Variants in EIPR1 observed in about 807,000 individuals in gnomAD.
EIPR1 encodes the protein EARP complex and GARP complex interacting protein 1, also known as EARP and GARP complex-interacting protein 1.
EIPR1 carries 25 observed loss-of-function variants against 48.1 expected under a neutral mutation model. The ratio of observed to expected loss-of-function variants is 0.52; its 90% confidence interval spans 0.38 to 0.73. The LOEUF (loss-of-function observed/expected upper bound fraction) is 0.73. Among genes scored for constraint, EIPR1 ranks in the 30% least tolerant of loss-of-function variants. The pLI is 0.00. For missense variants in EIPR1, 415 were observed against 506.2 expected (o/e 0.82, Z 1.73); for synonymous variants, 204 against 201.9 (o/e 1.01, Z -0.09).
At chr2:3,205,489 C>T (rs1289050730) in intron 5 of EIPR1, among the ~76,000 whole-genome samples, 1 of 152,210 alleles carries the variant, frequency 6.6e-6, no homozygotes, top group Non-Finnish European at 1.5e-5. Context: ...TGGAAAGATG[C>T]AAAGCAGCTG....
intron 2 of EIPR1, among the ~76,000 whole-genome samples, chr2:3,341,000 G>A (rs1303781984): frequency 3.3e-5 from 5 of 149,794 alleles, no homozygotes; most frequent in Non-Finnish European, 7.4e-5. Context: ...GGGGGACTGA[G>A]GCAGGAGAAT....
intron 1 of EIPR1, among the ~76,000 whole-genome samples, chr2:3,359,114 A>G (rs976692594): frequency 6.6e-6 from 1 of 152,264 alleles, no homozygotes; most frequent in Admixed American, 6.5e-5. Context: ...ACAAGATGAT[A>G]GACGATTAAG....
At chr2:3,204,930 A>G (rs1665177144) in intron 5 of EIPR1, among the ~76,000 whole-genome samples, 1 of 152,022 alleles carries the variant, frequency 6.6e-6, no homozygotes, top group Non-Finnish European at 1.5e-5. Flanking sequence ...CTGTGCTCCC[A>G]GCAGACCCTA....
At chr2:3,278,111 A>ACCGT (rs1383312289) in intron 3 of EIPR1, among the ~76,000 whole-genome samples, 2 of 151,990 alleles carry the variant, frequency 1.3e-5, no homozygotes, top group Admixed American at 6.5e-5. Context: ...TGGTCCCACC[A>ACCGT]CCGTCCCCAG....
intron 4 of EIPR1, among the ~76,000 whole-genome samples, chr2:3,218,932 A>T (rs1278687232): frequency 1.2e-4 from 16 of 136,038 alleles, no homozygotes; most frequent in Middle Eastern, 5.4e-3. Flanking sequence ...GCTCTAGAGC[A>T]TTCACAGTGA....
At position 3,198,977 on chromosome 2, in the gene EIPR1, G is replaced by A. The variant is rs867214003; in HGVS notation, c.517-1960C>T. Among the ~76,000 whole-genome samples the A allele has an allele frequency of 6.0e-5, 9 of 149,488 alleles. No individual in the cohort carries two copies. In the South Asian group the frequency reaches 8.6e-4, roughly 14 times the overall value. ...AATTTCCTAATCCTAGCAAGCCTGGGGGCACTGCAGGAGGCCAGGGTGTGT... is the reference window on the plus strand; with the variant it reads ...AATTTCCTAATCCTAGCAAGCCTGGAGGCACTGCAGGAGGCCAGGGTGTGT... On this transcript the variant is annotated intron_variant, in intron 5 of 8. Coordinates refer to ENST00000382125, the MANE Select transcript of EIPR1 (RefSeq NM_003310.5).
chr2:3,198,427 G>A (rs1179919400), intron 5 of EIPR1, among the ~76,000 whole-genome samples: 5 of 152,152 alleles, frequency 3.3e-5, no homozygotes, highest in Non-Finnish European at 4.4e-5. Context: ...AAGAGGCCTC[G>A]GGCCCAGGAA....
At chr2:3,316,376 C>T (rs548035857) in intron 3 of EIPR1, among the ~76,000 whole-genome samples, 1 of 152,198 alleles carries the variant, frequency 6.6e-6, no homozygotes, top group South Asian at 2.1e-4. Context: ...TTTTGCAAAG[C>T]CACTGTGGCA....
At chr2:3,268,532 C>T (rs375181726) in intron 3 of EIPR1, among the ~76,000 whole-genome samples, 1 of 152,174 alleles carries the variant, frequency 6.6e-6, no homozygotes, top group African/African-American at 2.4e-5. Flanking sequence ...TCACATCTGA[C>T]GCCTGTGACT....
chr2:3,287,247 T>C (rs190457871), intron 3 of EIPR1, among the ~76,000 whole-genome samples: 90 of 134,246 alleles, frequency 6.7e-4, no homozygotes, highest in Middle Eastern at 3.5e-3. Context: ...AGAAAGCTCG[T>C]TCACCACACT....
At chr2:3,299,767 G>A (rs1668715085) in intron 3 of EIPR1, among the ~76,000 whole-genome samples, 1 of 152,000 alleles carries the variant, frequency 6.6e-6, no homozygotes, top group Admixed American at 6.6e-5. Context: ...ACGTCCCTAA[G>A]ATGTCATTCA....
chr2:3,361,121 T>C (rs1670841855), intron 1 of EIPR1, among the ~76,000 whole-genome samples: 1 of 152,190 alleles, frequency 6.6e-6, no homozygotes, highest in Non-Finnish European at 1.5e-5. Context: ...CCAGGAGAAC[T>C]GAGGTGATGA....
At chr2:3,304,800 A>ATTCAGCCCTCCACTCCCATCCAG (rs1668870439) in intron 3 of EIPR1, among the ~76,000 whole-genome samples, 2 of 38,320 alleles carry the variant, frequency 5.2e-5, no homozygotes, top group East Asian at 8.5e-4. Context: ...GTCCCGTCCA[A>ATTCAGCCCTCCACTCCCATCCAG]TTCAGCCCTC....
intron 3 of EIPR1, among the ~76,000 whole-genome samples, chr2:3,299,624 T>A (rs2324568): frequency 0.31 from 41,666 of 135,944 alleles, 6,339 homozygotes; most frequent in Non-Finnish European, 0.34. Context: ...TCTCTCTCTC[T>A]CACACACACA....
At chr2:3,365,241 C>A (rs1670944669) in intron 1 of EIPR1, among the ~76,000 whole-genome samples, 1 of 151,834 alleles carries the variant, frequency 6.6e-6, no homozygotes, top group Non-Finnish European at 1.5e-5. Context: ...AGTTCAAGAC[C>A]AGCCTGACAA....
intron 3 of EIPR1, among the ~76,000 whole-genome samples, chr2:3,274,745 C>A (rs1364663162): frequency 1.3e-5 from 2 of 151,374 alleles, no homozygotes; most frequent in Non-Finnish European, 2.9e-5. Flanking sequence ...AATAAAAATA[C>A]CCAAAGGTAA....
rs369799041 is a variant in EIPR1 at position 3,369,540 on chromosome 2, C to T, written c.42+8108G>A. ...TTGAGCCACTCCCACCCAAATACTG[C>T]GCTTTTCCGACGGGCTTAGGAAACA... On this transcript the variant is annotated intron_variant, in intron 1 of 8. Coordinates refer to ENST00000382125, the MANE Select transcript of EIPR1 (RefSeq NM_003310.5). Among the ~76,000 whole-genome samples, 599 of 152,332 alleles carry T rather than the reference C, an allele frequency of 3.9e-3. 3 individuals are homozygous for T. Among genetic ancestry groups the T allele is most frequent in the Non-Finnish European group, 6.6e-3 (452 of 68,024 alleles).
chr2:3,308,965 G>C (rs1203165701), intron 3 of EIPR1, among the ~76,000 whole-genome samples: 2 of 152,178 alleles, frequency 1.3e-5, no homozygotes, highest in African/African-American at 4.8e-5. Context: ...GCCACAAGCA[G>C]ACCTACCCTC....
chr2:3,364,585 A>C (rs1042386430), intron 1 of EIPR1, among the ~76,000 whole-genome samples: 1 of 151,718 alleles, frequency 6.6e-6, no homozygotes, highest in Non-Finnish European at 1.5e-5. Flanking sequence ...CAGTGAGCCG[A>C]GATTGTACCA....
Sources: gnomAD v4.1 joint callset for allele counts (sites outside exome capture counted in the v4.1 genomes callset) on GRCh38, gnomAD v4.1.1 for gene constraint, MANE v1.5 for transcripts, NCBI Gene and HGNC (gene_info 2026-07-23, HGNC 2026-07-21) for gene names.